SGO1: variants seen among roughly 807,000 people sequenced by gnomAD.
SGO1 encodes shugoshin 1, also known as serologically defined breast cancer antigen NY-BR-85.
A neutral mutation model predicts 50.5 loss-of-function variants in SGO1; 39 were observed. The ratio of observed to expected loss-of-function variants is 0.77; its 90% CI spans 0.60 to 1.01. The LOEUF is 1.01. SGO1 is among the 50% of genes least tolerant of loss of function. SGO1 has a pLI of 0.00. For synonymous variants in SGO1, 191 were observed against 205.1 expected (o/e 0.93, Z 0.59); for missense variants, 638 against 606.0 (o/e 1.05, Z -0.55).
chr3:20,182,947 G>A (rs570582545), intron 3 of SGO1, among the ~76,000 whole-genome samples: 1 of 152,166 alleles, frequency 6.6e-6, no homozygotes, highest in African/African-American at 2.4e-5. Context: ...GAACCCAGGA[G>A]GCCGAGCTTG....
intron 3 of SGO1, among the ~76,000 whole-genome samples, chr3:20,180,933 C>T (rs1701947307): frequency 6.6e-6 from 1 of 152,152 alleles, no homozygotes; most frequent in Non-Finnish European, 1.5e-5. Context: ...TCAAGACCAG[C>T]TTGGGAAACA....
At position 20,183,933 on chromosome 3, in the gene SGO1, T is replaced by C; in HGVS notation, c.95A>G (p.Glu32Gly). ...MKEKRNKNLAEIGKRRSFIAA... is the reference protein window; with the variant it reads ...MKEKRNKNLAGIGKRRSFIAA... ...TATAAAAGACCTGCGTTTGCCAATC[T>C]CTGCCAAGTTTTTATTCCTTTTCTC... Residue 32 changes from glutamate to glycine, a missense_variant, in exon 2 of 8, where the codon GAG becomes GGG. Transcript: ENST00000412997. The C allele has an allele frequency of 3.1e-6, 5 of 1,612,918 alleles. No homozygotes were observed. Among genetic ancestry groups the C allele is most frequent in the Admixed American group, 1.7e-5 (1 of 59,828 alleles).
upstream of SGO1, chr3:20,186,408 T>C (rs1283041688): frequency 6.6e-6 from 1 of 152,362 alleles, no homozygotes; most frequent in Non-Finnish European, 1.5e-5. Context: ...GCCGGGACTT[T>C]CTAATCAGAG....
At chr3:20,169,364 C>A (rs1001928599), downstream of SGO1, 7 of 949,118 alleles carry the variant, frequency 7.4e-6, no homozygotes, top group Admixed American at 6.2e-5. Context: ...ACCTAGAACA[C>A]CCCCCCCTCA....
In SGO1 at chr3:20,174,572, A is replaced by C; in HGVS notation, c.959T>G (p.Val320Gly). 6.2e-7 allele frequency: 1 copy of C among 1,604,632 alleles called. No individual in the cohort carries two copies. The highest frequency in any genetic ancestry group is 8.5e-7 in the Non-Finnish European group (1 of 1,177,574). The change falls in exon 6 of 8, where the codon GTT becomes GGT. Residue 320 changes from valine (V) to glycine (G), a missense_variant. Coordinates refer to ENST00000412997, the MANE Select transcript of SGO1 (RefSeq NM_001199251.3). Reference protein sequence around the residue: ...KENKSENKKTVPQKKMHKSVS... With the variant: ...KENKSENKKTGPQKKMHKSVS... Reference sequence around the variant, plus strand: ...AGATTTGTGCATTTTTTTTTGGGGAACAGTTTTTTTATTTTCGCTTTTATT... The same window carrying C: ...AGATTTGTGCATTTTTTTTTGGGGACCAGTTTTTTTATTTTCGCTTTTATT...
chr3:20,180,519 A>T (rs1004697783), intron 3 of SGO1, among the ~76,000 whole-genome samples: 3 of 152,128 alleles, frequency 2.0e-5, no homozygotes, highest in Non-Finnish European at 4.4e-5. Flanking sequence ...AGAGAGAACA[A>T]TATTCCAGGA....
chr3:20,173,314 A>G (rs988586115), intron 6 of SGO1, among the ~76,000 whole-genome samples: 6 of 151,462 alleles, frequency 4.0e-5, no homozygotes, highest in African/African-American at 1.2e-4. Flanking sequence ...ATTTTTTTGT[A>G]TTTTTAGTAG....
intron 3 of SGO1, 92 bp from the exon 4 acceptor site, chr3:20,178,439 A>G (rs946540638): frequency 5.6e-6 from 5 of 898,692 alleles, no homozygotes; most frequent in African/African-American, 3.3e-5. Context: ...TTGACAGTCT[A>G]TCATGGTGCC....
In SGO1 at chr3:20,182,845, C is replaced by T. The variant is rs924828937; in HGVS notation, c.339+763G>A. On this transcript the variant is annotated intron_variant, in intron 3 of 7. Transcript: ENST00000412997. ...CATCCTGGCTAACACGGTGAAACCC[C>T]GTCTCTACTAAAAATACAAAAAATT... Among the ~76,000 whole-genome samples the T allele has an allele frequency of 4.0e-5, 6 of 151,844 alleles. 1 individual carries two copies. The highest frequency in any genetic ancestry group is 3.9e-4 in the East Asian group (2 of 5,162).
At chr3:20,161,202 T>C in exon 9 of SGO1, 1 of 1,607,220 alleles carries the variant, frequency 6.2e-7, no homozygotes. Flanking sequence ...AATTGCTTCT[T>C]TGGCAGGTGA....
At chr3:20,161,327 C>A in intron 8 of SGO1, 1 of 1,392,518 alleles carries the variant, frequency 7.2e-7, no homozygotes, top group Non-Finnish European at 9.4e-7. Context: ...AGGATGAGCT[C>A]ACAATAAAAA....
chr3:20,161,117 G>C lies in SGO1; in HGVS notation c.1674C>G (p.Ile558Met), dbSNP rs764389504. The C allele has an allele frequency of 3.1e-6, 5 of 1,613,910 alleles. No homozygotes were observed. In the East Asian group the frequency reaches 1.1e-4, roughly 36 times the overall value. The change falls in exon 9 of 9, where the codon ATC (isoleucine) becomes ATG (methionine). Residue 558 changes from isoleucine (I) to methionine (M), a missense_variant. By Grantham distance (10) the Ile-to-Met change is conservative. Transcript: ENST00000263753. Reference sequence around the variant, plus strand: ...AAGCCCGTGGACTTTACCTCAAGCAGATGTGGGTTTCAAGTTTACATTTCC... The same window carrying C: ...AAGCCCGTGGACTTTACCTCAAGCACATGTGGGTTTCAAGTTTACATTTCC...
intron 8 of SGO1, among the ~76,000 whole-genome samples, chr3:20,162,999 G>A (rs1158548010): frequency 2.0e-5 from 3 of 151,966 alleles, no homozygotes; most frequent in African/African-American, 7.2e-5. Flanking sequence ...AGTGCTTAAA[G>A]GAAAACTTAC....
At chr3:20,178,416 C>T (rs1701639040) in intron 3 of SGO1, 69 bp from the exon 4 acceptor site, 2 of 1,134,490 alleles carry the variant, frequency 1.8e-6, no homozygotes, top group Non-Finnish European at 2.7e-6. Context: ...ATTTATTCAA[C>T]AATATGCACT....
chr3:20,174,194 G>C lies in SGO1; in HGVS notation c.1282+55C>G. ...GGTAAGTATAGTATATAAGCATCAG[G>C]AGTGATCATTTATCACGAACATTAA... On this transcript the variant is annotated intron_variant, in intron 6 of 7. Transcript: ENST00000412997. The C allele has an allele frequency of 1.1e-5, 15 of 1,328,298 alleles. No homozygotes were observed. The South Asian group carries it at 1.4e-4, about 12-fold the overall frequency. 82.3% of individuals were successfully genotyped at this position (1,328,298 alleles called of 1,614,324 possible). A position where few individuals can be genotyped will look rare whatever the true frequency, so the allele number is the denominator to read the frequency against.
downstream of SGO1, chr3:20,169,427 T>C: frequency 4.1e-6 from 4 of 984,632 alleles, no homozygotes; most frequent in South Asian, 9.4e-5. Flanking sequence ...ATGAGAATAG[T>C]GAAGACAGAG....
chr3:20,186,532 T>G (rs2125416568), upstream of SGO1: 1 of 152,366 alleles, frequency 6.6e-6, no homozygotes, highest in Admixed American at 6.5e-5. Context: ...CGGGTTGTGC[T>G]CAAAGCCTCC....
chr3:20,176,584 A>C lies in SGO1; in HGVS notation c.475+17T>G. The C allele has an allele frequency of 6.6e-7, 1 of 1,509,580 alleles. No individual in the cohort carries two copies. The highest frequency in any genetic ancestry group is 2.3e-5 in the East Asian group (1 of 42,942). 93.5% of individuals were successfully genotyped at this position (1,509,580 alleles called of 1,614,324 possible). A position where few individuals can be genotyped will look rare whatever the true frequency, so the allele number is the denominator to read the frequency against. On this transcript the variant is annotated intron_variant, in intron 5 of 7. Coordinates refer to ENST00000412997, the MANE Select transcript of SGO1 (RefSeq NM_001199251.3). ...ATTTTGCCCTTAATAATATTTTTAGATTTTCACTTGAATTACCTTCTATTT... is the reference window on the plus strand; with the variant it reads ...ATTTTGCCCTTAATAATATTTTTAGCTTTTCACTTGAATTACCTTCTATTT...
At chr3:20,176,753 T>C in intron 4 of SGO1, 94 bp from the exon 5 acceptor site, 1 of 798,458 alleles carries the variant, frequency 1.3e-6, no homozygotes, top group East Asian at 2.9e-5. Context: ...TTTCCTTTAG[T>C]ATCATTTCAT....
Sources: gnomAD v4.1 joint callset for allele counts (sites outside exome capture counted in the v4.1 genomes callset) on GRCh38, gnomAD v4.1.1 for gene constraint, MANE v1.5 for transcripts, NCBI Gene and HGNC (gene_info 2026-07-23, HGNC 2026-07-21) for gene names.